The following SLCO6A1 variants were observed in gnomAD, a reference collection of about 807,000 sequenced individuals.
SLCO6A1 encodes the protein solute carrier organic anion transporter family member 6A1.
SLCO6A1 carries 65 observed loss-of-function variants against 72.7 expected under a neutral mutation model. That is an observed-to-expected ratio of 0.89 (90% confidence interval 0.73 to 1.10). The LOEUF (loss-of-function observed/expected upper bound fraction) is 1.10. Among genes scored for constraint, SLCO6A1 ranks in the 50% least tolerant of loss-of-function variants. The pLI is 0.00. For synonymous variants in SLCO6A1, 314 were observed against 298.2 expected (o/e 1.05, Z -0.55); for missense variants, 874 against 872.6 (o/e 1.00, Z -0.02).
At chr5:102,395,432 G>A (rs1177392254) in intron 10 of SLCO6A1, among the ~76,000 whole-genome samples, 45 of 152,076 alleles carry the variant, frequency 3.0e-4, no homozygotes, top group African/African-American at 1.1e-3. Context: ...TCTTAATCCA[G>A]TCTATCATTG....
chr5:102,418,563 G>A (rs1748418610), intron 8 of SLCO6A1, among the ~76,000 whole-genome samples: 1 of 152,016 alleles, frequency 6.6e-6, no homozygotes, highest in Non-Finnish European at 1.5e-5. Context: ...CTACTGATAT[G>A]AAGTTCACTT....
intron 10 of SLCO6A1, among the ~76,000 whole-genome samples, chr5:102,398,542 A>G (rs922606400): frequency 6.6e-6 from 1 of 152,092 alleles, no homozygotes; most frequent in Non-Finnish European, 1.5e-5. Flanking sequence ...CATCTTTCAC[A>G]GTCTTTTCAA....
At chr5:102,492,426 T>C (rs1410011556) in intron 1 of SLCO6A1, among the ~76,000 whole-genome samples, 1 of 152,078 alleles carries the variant, frequency 6.6e-6, no homozygotes, top group African/African-American at 2.4e-5. Context: ...GATGGCCGAA[T>C]AGGAACAGCT....
At chr5:102,414,698 G>C (rs914100454) in intron 8 of SLCO6A1, among the ~76,000 whole-genome samples, 1 of 152,036 alleles carries the variant, frequency 6.6e-6, no homozygotes, top group Admixed American at 6.6e-5. Context: ...GTTTCCGACC[G>C]GCCTGGGCAA....
chr5:102,401,205 T>C (rs1019384292), intron 9 of SLCO6A1, among the ~76,000 whole-genome samples: 1 of 151,888 alleles, frequency 6.6e-6, no homozygotes, highest in African/African-American at 2.4e-5. Flanking sequence ...GGAACAGTAA[T>C]TGAAAAGCCT....
At chr5:102,480,815 C>A (rs1433821086) in intron 1 of SLCO6A1, among the ~76,000 whole-genome samples, 1 of 152,048 alleles carries the variant, frequency 6.6e-6, no homozygotes, top group Non-Finnish European at 1.5e-5. Context: ...AAAACATTAT[C>A]AAAATAGTTA....
At chr5:102,491,133 C>T (rs547996446) in intron 1 of SLCO6A1, among the ~76,000 whole-genome samples, 3 of 152,234 alleles carry the variant, frequency 2.0e-5, no homozygotes, top group East Asian at 3.9e-4. Context: ...CTCCAAGTCC[C>T]CACAAGAGTA....
chr5:102,413,415 A>T (rs985095976), intron 8 of SLCO6A1, among the ~76,000 whole-genome samples: 2 of 152,046 alleles, frequency 1.3e-5, no homozygotes, highest in South Asian at 2.1e-4. Context: ...TAATAATAAA[A>T]AAAAAAACCC....
chr5:102,394,989 C>T (rs1746981999), intron 10 of SLCO6A1, among the ~76,000 whole-genome samples: 2 of 151,942 alleles, frequency 1.3e-5, no homozygotes, highest in Admixed American at 1.3e-4. Context: ...TATTTCTATA[C>T]TTACTATTTG....
At chr5:102,482,385 G>A (rs964136164) in intron 1 of SLCO6A1, among the ~76,000 whole-genome samples, 1 of 152,130 alleles carries the variant, frequency 6.6e-6, no homozygotes, top group South Asian at 2.1e-4. Flanking sequence ...ATTTCTCTCA[G>A]TGGTTATGAG....
chr5:102,407,033 A>G (rs964982288), intron 9 of SLCO6A1, among the ~76,000 whole-genome samples: 11 of 152,186 alleles, frequency 7.2e-5, no homozygotes, highest in Non-Finnish European at 1.3e-4. Flanking sequence ...CATAATCCCT[A>G]GGACTGTAAG....
In SLCO6A1 at chr5:102,477,801, G is replaced by T. The variant is rs1222174664; in HGVS notation, c.677C>A (p.Ser226Ter). The change falls in exon 3 of 14, where the codon TCA becomes TAA. Residue 226 changes from serine (S) to a stop codon, truncating the protein, a stop_gained. Coordinates refer to ENST00000506729, the MANE Select transcript of SLCO6A1 (RefSeq NM_173488.5). LOFTEE classifies it high-confidence loss of function. The stretch of plus-strand genomic sequence containing the variant: ...AAGGATGAAGAAAGACAGGTATTTT[G>T]ATTGGAATGATATACCACTGCTCTG... ...GCQSSGISFQ[S>*]KYLSFFILGQ... 6.2e-7 allele frequency: 1 copy of T among 1,613,516 alleles called. No homozygotes were observed. The highest frequency in any genetic ancestry group is 8.5e-7 in the Non-Finnish European group (1 of 1,179,708).
chr5:102,498,432 C>G (rs1247450476), intron 1 of SLCO6A1, 55 bp downstream of exon 1: 9 of 1,529,374 alleles, frequency 5.9e-6, no homozygotes, highest in Non-Finnish European at 6.2e-6. Context: ...CTCCCGCCTC[C>G]GCCAGTGCGG....
chr5:102,405,358 C>T (rs886771792), intron 9 of SLCO6A1, among the ~76,000 whole-genome samples: 2 of 150,076 alleles, frequency 1.3e-5, no homozygotes, highest in South Asian at 4.2e-4. Context: ...AGGATAAACT[C>T]AAAGAAAACC....
intron 7 of SLCO6A1, among the ~76,000 whole-genome samples, chr5:102,431,531 T>C (rs1371190255): frequency 6.6e-6 from 1 of 152,184 alleles, no homozygotes; most frequent in African/African-American, 2.4e-5. Flanking sequence ...TTCCACTTAA[T>C]TGTATGGTTC....
chr5:102,451,114 A>G (rs945720321), intron 6 of SLCO6A1, among the ~76,000 whole-genome samples: 1 of 152,184 alleles, frequency 6.6e-6, no homozygotes, highest in African/African-American at 2.4e-5. Context: ...GTGGAAAACA[A>G]TCTGGTCGCT....
chr5:102,434,723 A>G (rs1054260836), intron 7 of SLCO6A1, among the ~76,000 whole-genome samples: 1 of 152,186 alleles, frequency 6.6e-6, no homozygotes, highest in African/African-American at 2.4e-5. Flanking sequence ...AGAAAGTACC[A>G]TAGGTCTTAT....
chr5:102,460,320 T>C (rs1750959274), intron 4 of SLCO6A1, among the ~76,000 whole-genome samples: 1 of 152,182 alleles, frequency 6.6e-6, no homozygotes, highest in African/African-American at 2.4e-5. Context: ...TTATTCCAAA[T>C]CACCCTTAGG....
chr5:102,497,580 C>A (rs1282613853), intron 1 of SLCO6A1, among the ~76,000 whole-genome samples: 3 of 152,180 alleles, frequency 2.0e-5, no homozygotes, highest in Non-Finnish European at 4.4e-5. Flanking sequence ...AGCCGGTTAA[C>A]CTGTTTTTGA....
Sources: allele counts gnomAD v4.1 joint callset (sites outside exome capture counted in the v4.1 genomes callset), GRCh38; gene constraint gnomAD v4.1.1; transcripts MANE v1.5; gene names NCBI Gene and HGNC (gene_info 2026-07-23, HGNC 2026-07-21).